The following SH3GL3 variants were observed in gnomAD, a reference collection of about 807,000 sequenced individuals.
SH3GL3 encodes the protein endophilin-A3.
Under a neutral mutation model 47.7 loss-of-function variants are expected in SH3GL3, and 33 were observed. The observed-to-expected ratio is 0.69, with a 90% CI of 0.52 to 0.92. The LOEUF (loss-of-function observed/expected upper bound fraction) is 0.92. SH3GL3 is among the 40% of genes least tolerant of loss of function. SH3GL3 has a pLI of 0.00. For synonymous variants in SH3GL3, 155 were observed against 148.8 expected (o/e 1.04, Z -0.30); for missense variants, 363 against 417.8 (o/e 0.87, Z 1.14).
intron 7 of SH3GL3, 91 bp from the exon 8 acceptor site, chr15:83,588,571 T>G: frequency 1.2e-6 from 1 of 805,800 alleles, no homozygotes; most frequent in East Asian, 2.5e-5. Context: ...GGCTGTAACC[T>G]AAGTTCCTGT....
intron 1 of SH3GL3, among the ~76,000 whole-genome samples, chr15:83,543,155 A>C (rs575985741): frequency 1.3e-5 from 2 of 152,144 alleles, no homozygotes; most frequent in African/African-American, 4.8e-5. Flanking sequence ...ATGTTCCTTC[A>C]ATATCCAGTT....
chr15:83,512,973 T>C (rs2042829698), intron 1 of SH3GL3, among the ~76,000 whole-genome samples: 1 of 152,252 alleles, frequency 6.6e-6, no homozygotes, highest in African/African-American at 2.4e-5. Flanking sequence ...TTTGGAAATA[T>C]ATTTACATAG....
chr15:83,558,336 C>A (rs1035632283), intron 1 of SH3GL3, among the ~76,000 whole-genome samples: 1 of 152,116 alleles, frequency 6.6e-6, no homozygotes, highest in East Asian at 1.9e-4. Flanking sequence ...CTGGGCGTTG[C>A]GTAACTTTCA....
At chr15:83,607,927 T>G (rs1314929065) in intron 8 of SH3GL3, among the ~76,000 whole-genome samples, 1 of 151,504 alleles carries the variant, frequency 6.6e-6, no homozygotes, top group Non-Finnish European at 1.5e-5. Flanking sequence ...TGGACCTGGT[T>G]GCAATAGAGG....
intron 8 of SH3GL3, among the ~76,000 whole-genome samples, chr15:83,616,602 T>C (rs2585059): frequency 0.41 from 61,928 of 151,966 alleles, 13,011 homozygotes; most frequent in Admixed American, 0.56. Context: ...TGTCAGATAT[T>C]TTAGAAAGAA....
intron 7 of SH3GL3, 137 bp from the exon 8 acceptor site, chr15:83,588,525 A>C: frequency 1.6e-6 from 1 of 634,354 alleles, no homozygotes. Flanking sequence ...GCTACTCAAG[A>C]GTCAGTGTGT....
intron 1 of SH3GL3, among the ~76,000 whole-genome samples, chr15:83,538,517 A>G (rs2044020141): frequency 6.6e-6 from 1 of 152,206 alleles, no homozygotes; most frequent in African/African-American, 2.4e-5. Flanking sequence ...TTAATTTACA[A>G]GTAACTACCA....
chr15:83,522,541 C>A (rs2043253550), intron 1 of SH3GL3, among the ~76,000 whole-genome samples: 1 of 152,228 alleles, frequency 6.6e-6, no homozygotes, highest in Non-Finnish European at 1.5e-5. Flanking sequence ...TTGGCTCTTT[C>A]TTGGGCATTC....
intron 4 of SH3GL3, among the ~76,000 whole-genome samples, chr15:83,571,207 G>A (rs181432977): frequency 1.5e-3 from 228 of 152,350 alleles, no homozygotes; most frequent in Non-Finnish European, 2.0e-3. Context: ...GAGAGGGAAT[G>A]TTGATTCCAG....
intron 8 of SH3GL3, among the ~76,000 whole-genome samples, chr15:83,605,870 T>C (rs2060502889): frequency 6.6e-6 from 1 of 152,136 alleles, no homozygotes; most frequent in South Asian, 2.1e-4. Context: ...CATGTGCCTG[T>C]GTAGCTCCCA....
At chr15:83,471,599 C>T (rs2040830740) in intron 1 of SH3GL3, among the ~76,000 whole-genome samples, 1 of 152,166 alleles carries the variant, frequency 6.6e-6, no homozygotes, top group South Asian at 2.1e-4. Context: ...GCTTCTGTGT[C>T]TGGCCTATAA....
At chr15:83,473,849 T>A (rs1207875530) in intron 1 of SH3GL3, among the ~76,000 whole-genome samples, 3 of 144,766 alleles carry the variant, frequency 2.1e-5, no homozygotes, top group African/African-American at 7.4e-5. Flanking sequence ...GCCCGGCCTG[T>A]TGGGGCTTTT....
chr15:83,488,971 G>C (rs1177480763), intron 1 of SH3GL3, among the ~76,000 whole-genome samples: 1 of 152,252 alleles, frequency 6.6e-6, no homozygotes, highest in Non-Finnish European at 1.5e-5. Context: ...TTTGGACAAA[G>C]ATCCTGGATA....
chr15:83,614,842 A>G (rs1471704152), intron 8 of SH3GL3, among the ~76,000 whole-genome samples: 4 of 151,574 alleles, frequency 2.6e-5, no homozygotes, highest in Middle Eastern at 6.8e-3. Context: ...CATTGCCCCA[A>G]CTCTTGTCTT....
chr15:83,581,579 G>T (rs1454552355), intron 6 of SH3GL3, among the ~76,000 whole-genome samples: 1 of 152,152 alleles, frequency 6.6e-6, no homozygotes, highest in Non-Finnish European at 1.5e-5. Flanking sequence ...GGAGCCCAGA[G>T]CCAGGCCCCT....
intron 1 of SH3GL3, among the ~76,000 whole-genome samples, chr15:83,476,320 AT>A (rs1287041286): frequency 6.6e-6 from 1 of 152,178 alleles, no homozygotes; most frequent in Non-Finnish European, 1.5e-5. Context: ...TGAGATAAAT[AT>A]TTGTGTTTGT....
intron 8 of SH3GL3, among the ~76,000 whole-genome samples, chr15:83,613,751 G>A (rs1301337107): frequency 6.6e-6 from 1 of 152,056 alleles, no homozygotes; most frequent in Non-Finnish European, 1.5e-5. Context: ...CATGTACGAG[G>A]TGACATGGAG....
chr15:83,531,398 A>G (rs1732430739), intron 1 of SH3GL3, among the ~76,000 whole-genome samples: 1 of 152,208 alleles, frequency 6.6e-6, no homozygotes, highest in South Asian at 2.1e-4. Flanking sequence ...AGTTAGCTAT[A>G]TGGAAAAACT....
Position 83,447,983 on chromosome 15 carries a change from G to A in SH3GL3, c.45+405G>A, listed in dbSNP as rs531047770. Among the ~76,000 whole-genome samples, 4 of 152,258 alleles carry A rather than the reference G, an allele frequency of 2.6e-5. No individual in the cohort carries two copies. Among genetic ancestry groups the A allele is most frequent in the Non-Finnish European group, 4.4e-5 (3 of 68,000 alleles). Reference sequence around the variant, plus strand: ...CCAGCCGTTTGGTTGGGAGAGCCTCGTGGGGGGCCCATCCTCCACCGGCCA... The same window carrying A: ...CCAGCCGTTTGGTTGGGAGAGCCTCATGGGGGGCCCATCCTCCACCGGCCA... On this transcript the variant is annotated intron_variant, in intron 1 of 8. Coordinates refer to ENST00000427482, the MANE Select transcript of SH3GL3 (RefSeq NM_003027.5). The surrounding 1 kb of genome is among the most constrained non-coding windows in gnomAD (Gnocchi z 5.1).
Sources: allele counts gnomAD v4.1 joint callset (sites outside exome capture counted in the v4.1 genomes callset), GRCh38; gene constraint gnomAD v4.1.1; non-coding constraint Gnocchi (gnomAD v3.1); transcripts MANE v1.5; gene names NCBI Gene and HGNC (gene_info 2026-07-23, HGNC 2026-07-21).